The following FER variants were observed in gnomAD, a reference collection of about 807,000 sequenced individuals.
FER encodes the protein tyrosine-protein kinase Fer.
In FER, 63 loss-of-function variants were observed where a neutral mutation model predicts 111.0. That is an observed-to-expected ratio of 0.57 (90% CI 0.46 to 0.70). The LOEUF (loss-of-function observed/expected upper bound fraction) is 0.70. Ranked by LOEUF, FER falls within the 30% of genes least tolerant of loss-of-function variation. The pLI is 0.00. For missense variants in FER, 914 were observed against 954.0 expected, an observed-to-expected ratio of 0.96 and a Z score of 0.55; for synonymous variants, 327 against 313.9, an observed-to-expected ratio of 1.04 and a Z score of -0.44.
intron 13 of FER, among the ~76,000 whole-genome samples, chr5:108,984,205 C>T (rs1762318787): frequency 1.3e-5 from 2 of 152,030 alleles, no homozygotes; most frequent in Non-Finnish European, 2.9e-5. Context: ...CCTGTCTTAC[C>T]ATTCTTATTT....
chr5:108,921,907 T>G (rs1179773778), intron 10 of FER, among the ~76,000 whole-genome samples: 1 of 152,172 alleles, frequency 6.6e-6, no homozygotes, highest in Non-Finnish European at 1.5e-5. Flanking sequence ...ATCTTTAAGT[T>G]GTAATACTAA....
chr5:108,856,250 G>T lies in FER; in HGVS notation c.482-11517G>T, dbSNP rs185092757. 2.1e-3 allele frequency among the ~76,000 whole-genome samples: 317 copies of T among 152,182 alleles called. 3 individuals are homozygous for T. The highest frequency in any genetic ancestry group is 7.1e-3 in the African/African-American group (293 of 41,520). The stretch of plus-strand genomic sequence containing the variant: ...CTTCAGAGTAATTTTTAAAAATGGG[G>T]TTCACAGACTCCCTCTTCACACTAA... On this transcript the variant is annotated intron_variant, in intron 5 of 19. Coordinates refer to ENST00000281092, the MANE Select transcript of FER (RefSeq NM_005246.4).
chr5:109,196,574 C>CT lies in FER; in HGVS notation c.*9000dup, dbSNP rs1175529061. The CT allele has an allele frequency of 6.6e-6, 1 of 152,058 alleles. No homozygotes were observed. Among genetic ancestry groups the CT allele is most frequent in the Non-Finnish European group, 1.5e-5 (1 of 68,014 alleles). 9.4% of individuals were successfully genotyped at this position (152,058 alleles called of 1,614,324 possible). ...CTAAATATATAAAGCAGTTGGTTGT[C>CT]TATCTTTTATCATTTTTACTCAGAT... On this transcript the variant is annotated 3_prime_UTR_variant, in exon 20 of 20. Transcript: ENST00000281092.
chr5:109,124,432 T>C (rs1412014247), intron 17 of FER, among the ~76,000 whole-genome samples: 10 of 152,232 alleles, frequency 6.6e-5, no homozygotes, highest in African/African-American at 2.4e-4. Flanking sequence ...GAAGAAGTTA[T>C]TCATTAAACC....
At chr5:109,113,345 A>C (rs1458607033) in intron 17 of FER, among the ~76,000 whole-genome samples, 2 of 152,184 alleles carry the variant, frequency 1.3e-5, no homozygotes, top group Non-Finnish European at 2.9e-5. Context: ...AAAGGTGTAG[A>C]CTATATATAC....
At chr5:109,185,679 C>T (rs1314404401) in intron 18 of FER, among the ~76,000 whole-genome samples, 1 of 151,414 alleles carries the variant, frequency 6.6e-6, no homozygotes, top group South Asian at 2.1e-4. Flanking sequence ...AAACTAGCAG[C>T]CTGAAGAATA....
intron 8 of FER, among the ~76,000 whole-genome samples, chr5:108,875,702 C>A (rs757112328): frequency 6.6e-6 from 1 of 152,062 alleles, no homozygotes; most frequent in Non-Finnish European, 1.5e-5. Context: ...TTTGAATCAA[C>A]ACATCAGTAG....
chr5:109,060,335 T>A (rs536376863), intron 16 of FER, among the ~76,000 whole-genome samples: 2 of 152,306 alleles, frequency 1.3e-5, no homozygotes, highest in East Asian at 3.9e-4. Context: ...AGCCAGGCAG[T>A]CTTAGCTGAA....
chr5:108,945,699 C>A (rs1269690584), intron 10 of FER, among the ~76,000 whole-genome samples: 1 of 148,320 alleles, frequency 6.7e-6, no homozygotes, highest in Non-Finnish European at 1.5e-5. Flanking sequence ...TACTTTTATT[C>A]CTGTTTTTTT....
intron 2 of FER, among the ~76,000 whole-genome samples, chr5:108,776,312 TTAAAA>T (rs1753483978): frequency 6.6e-6 from 1 of 152,104 alleles, no homozygotes; most frequent in South Asian, 2.1e-4. Flanking sequence ...TATATCAATG[TTAAAA>T]TAAATAAATG....
chr5:109,000,151 T>C (rs79984581), intron 13 of FER, among the ~76,000 whole-genome samples: 8,967 of 151,678 alleles, frequency 0.059, 401 homozygotes, highest in South Asian at 0.12. Context: ...ATATATAATA[T>C]ATATATAAGT....
intron 10 of FER, among the ~76,000 whole-genome samples, chr5:108,935,107 C>T (rs1233319521): frequency 1.3e-5 from 2 of 151,966 alleles, no homozygotes; most frequent in Non-Finnish European, 2.9e-5. Flanking sequence ...GATTCTTTCT[C>T]AGCTATATAT....
At chr5:108,998,091 G>C (rs985354879) in intron 13 of FER, among the ~76,000 whole-genome samples, 1 of 150,140 alleles carries the variant, frequency 6.7e-6, no homozygotes, top group Non-Finnish European at 1.5e-5. Flanking sequence ...GGGACCTGCC[G>C]TACCAGACCA....
chr5:108,897,881 G>A, intron 10 of FER, 33 bp downstream of exon 10: 1 of 1,542,944 alleles, frequency 6.5e-7, no homozygotes, highest in Non-Finnish European at 8.8e-7. Flanking sequence ...GAGAAACTTG[G>A]AAGAGTAGTG....
At chr5:108,755,138 G>A (rs1183333078) in intron 1 of FER, among the ~76,000 whole-genome samples, 1 of 152,180 alleles carries the variant, frequency 6.6e-6, no homozygotes. Context: ...CTTCTGAAAT[G>A]AAGACTAGAC....
chr5:109,114,043 A>G (rs1042552910), intron 17 of FER, among the ~76,000 whole-genome samples: 1 of 152,110 alleles, frequency 6.6e-6, no homozygotes, highest in Non-Finnish European at 1.5e-5. Context: ...GATAATGATG[A>G]TTGGTGCTAA....
intron 13 of FER, among the ~76,000 whole-genome samples, chr5:108,968,639 A>G (rs2149690830): frequency 6.6e-6 from 1 of 152,288 alleles, no homozygotes; most frequent in African/African-American, 2.4e-5. Context: ...AATCAAACCC[A>G]CAATCAAATC....
At chr5:109,083,564 T>C (rs1238259655) in intron 16 of FER, among the ~76,000 whole-genome samples, 3 of 152,034 alleles carry the variant, frequency 2.0e-5, no homozygotes, top group Admixed American at 6.6e-5. Context: ...CTAATCTAAT[T>C]TTTTTGAAGT....
rs1343060431 is a variant in FER at position 109,193,635 on chromosome 5, G to A, written c.*6060G>A. ...TTCAGAAAGTTTTTCTTGAACATCT[G>A]CCACATGAGGTGCAGAGAATACTAC... is the stretch of plus-strand genomic sequence containing the variant. On this transcript the variant is annotated 3_prime_UTR_variant, in exon 20 of 20. Coordinates refer to ENST00000281092, the MANE Select transcript of FER (RefSeq NM_005246.4). 6.6e-6 allele frequency: 1 copy of A among 152,136 alleles called. No individual in the cohort carries two copies. Among genetic ancestry groups the A allele is most frequent in the African/African-American group, 2.4e-5 (1 of 41,430 alleles). 9.4% of individuals were successfully genotyped at this position (152,136 alleles called of 1,614,324 possible).
Sources: gnomAD v4.1 joint callset for allele counts (sites outside exome capture counted in the v4.1 genomes callset) on GRCh38, gnomAD v4.1.1 for gene constraint, MANE v1.5 for transcripts, NCBI Gene and HGNC (gene_info 2026-07-23, HGNC 2026-07-21) for gene names.